Variants in TULP4 observed in about 807,000 individuals in gnomAD.
The protein encoded by TULP4 is tubby-related protein 4.
A neutral mutation model predicts 129.0 loss-of-function variants in TULP4; 16 were observed. That is an observed-to-expected ratio of 0.12 (90% CI 0.08 to 0.19). TULP4 has a LOEUF of 0.19. Among genes scored for constraint, TULP4 ranks in the 10% least tolerant of loss-of-function variants. The pLI, the probability that TULP4 is intolerant of heterozygous loss-of-function variation, is 1.00. For missense variants in TULP4, 1,842 were observed against 2,059.1 expected (o/e 0.89, Z 2.04); for synonymous variants, 998 against 854.0 (o/e 1.17, Z -2.94).
chr6:158,354,596 A>G (rs1246470047), intron 1 of TULP4, among the ~76,000 whole-genome samples: 1 of 152,208 alleles, frequency 6.6e-6, no homozygotes, highest in Non-Finnish European at 1.5e-5. Context: ...AATAAAGAAT[A>G]AAATGTTTGC....
chr6:158,473,408 T>A (rs1779736699), intron 6 of TULP4, among the ~76,000 whole-genome samples: 2 of 152,254 alleles, frequency 1.3e-5, no homozygotes, highest in Admixed American at 1.3e-4. Flanking sequence ...CTGAACTAGC[T>A]TTTATTACTA....
At chr6:158,360,642 G>A (rs1484336940) in intron 1 of TULP4, among the ~76,000 whole-genome samples, 1 of 152,120 alleles carries the variant, frequency 6.6e-6, no homozygotes, top group East Asian at 1.9e-4. Flanking sequence ...ATGTTTATTT[G>A]GCAGGTAATT....
intron 1 of TULP4, among the ~76,000 whole-genome samples, chr6:158,292,249 C>T (rs1338129962): frequency 6.6e-6 from 1 of 152,176 alleles, no homozygotes; most frequent in Non-Finnish European, 1.5e-5. Context: ...ATAGAATGAC[C>T]AACTGTCTGG....
chr6:158,413,231 G>A lies in TULP4; in HGVS notation c.381+38G>A, dbSNP rs752637656. 1.8e-4 allele frequency: 291 copies of A among 1,581,918 alleles called. No individual in the cohort carries two copies. Among genetic ancestry groups the A allele is most frequent in the Non-Finnish European group, 2.4e-4 (278 of 1,158,978 alleles). ...CGCAGCTCTGCCAGTGAAGGGCTGC[G>A]GGGTAGAGGACTCCCAGACAGGCAT... On this transcript the variant is annotated intron_variant, in intron 2 of 13. Coordinates refer to ENST00000367097, the MANE Select transcript of TULP4 (RefSeq NM_020245.5). The surrounding 1 kb of genome is among the most constrained non-coding windows in gnomAD (Gnocchi z 4.9).
intron 11 of TULP4, among the ~76,000 whole-genome samples, 165 bp downstream of exon 11, chr6:158,495,011 T>C (rs1780300327): frequency 6.6e-6 from 1 of 152,188 alleles, no homozygotes; most frequent in Non-Finnish European, 1.5e-5. Flanking sequence ...TTCACAAAAA[T>C]TAGAATTCTC....
chr6:158,489,756 C>T, intron 9 of TULP4, 24 bp downstream of exon 9: 1 of 1,613,734 alleles, frequency 6.2e-7, no homozygotes, highest in Middle Eastern at 1.6e-4. Context: ...TTGGGGAGAT[C>T]GTCCTTTCTT....
intron 5 of TULP4, among the ~76,000 whole-genome samples, chr6:158,454,261 C>G (rs1432072248): frequency 1.3e-5 from 2 of 152,240 alleles, no homozygotes; most frequent in East Asian, 1.9e-4. Context: ...CTGTGCTTGT[C>G]TGTAAATTTT....
chr6:158,462,800 A>G (rs1779467001), intron 6 of TULP4, among the ~76,000 whole-genome samples: 1 of 132,358 alleles, frequency 7.6e-6, no homozygotes, highest in African/African-American at 2.8e-5. Context: ...CCCAGGCTGG[A>G]GTGCAGTGGC....
chr6:158,363,428 C>T (rs1583797074), intron 1 of TULP4, among the ~76,000 whole-genome samples: 1 of 152,076 alleles, frequency 6.6e-6, no homozygotes, highest in East Asian at 1.9e-4. Flanking sequence ...TTTCAACTGT[C>T]ATTTTGCTGC....
chr6:158,330,542 G>T (rs1489045128), intron 1 of TULP4, among the ~76,000 whole-genome samples: 1 of 152,170 alleles, frequency 6.6e-6, no homozygotes, highest in African/African-American at 2.4e-5. Context: ...TGGATCATTT[G>T]AGAGTGTACA....
rs1246683000 is a variant in TULP4 at position 158,421,371 on chromosome 6, AAAAG to A, written c.381+8182_381+8185del. Reference sequence around the variant, plus strand: ...AGCGGGGCTCCGTCTCAAAAAAAAAAAAAGAAATACATTGGTTTGGTCCAGAAAG... The same window carrying A: ...AGCGGGGCTCCGTCTCAAAAAAAAAAAAATACATTGGTTTGGTCCAGAAAG... On this transcript the variant is annotated intron_variant, in intron 2 of 13. Coordinates refer to ENST00000367097, the MANE Select transcript of TULP4 (RefSeq NM_020245.5). 2.6e-5 allele frequency among the ~76,000 whole-genome samples: 4 copies of A among 150,956 alleles called. No individual in the cohort carries two copies. The East Asian group carries it at 5.8e-4, about 22-fold the overall frequency.
intron 1 of TULP4, among the ~76,000 whole-genome samples, chr6:158,396,295 T>C (rs779943568): frequency 5.3e-5 from 8 of 152,204 alleles, no homozygotes; most frequent in Non-Finnish European, 1.2e-4. Flanking sequence ...CCTGCTCTCT[T>C]TGTCAGCTTG....
intron 1 of TULP4, among the ~76,000 whole-genome samples, chr6:158,261,404 A>G (rs1032722600): frequency 6.6e-6 from 1 of 152,352 alleles, no homozygotes; most frequent in South Asian, 2.1e-4. Context: ...CCTTTCAGCC[A>G]TCACGCTCTA....
chr6:158,299,034 C>T (rs561262952), intron 1 of TULP4, among the ~76,000 whole-genome samples: 4 of 152,252 alleles, frequency 2.6e-5, no homozygotes, highest in Admixed American at 1.3e-4. Flanking sequence ...CAGACAGAAA[C>T]GTTTCCCCTT....
chr6:158,251,219 G>C lies in TULP4; in HGVS notation n.68+18916G>C, dbSNP rs1387408323. On this transcript the variant is annotated intron_variant and non_coding_transcript_variant, in intron 1 of 1. Coordinates refer to the TULP4 transcript ENST00000620026. ...AGAAGCAGATTATTAATATTTTATA[G>C]CATGGGTTTATCTAATGTTATTGAA... Among the ~76,000 whole-genome samples, 3 of 152,190 alleles carry C rather than the reference G, an allele frequency of 2.0e-5. No individual in the cohort carries two copies. In the East Asian group the frequency reaches 5.8e-4, roughly 29 times the overall value.
At chr6:158,298,962 G>A (rs578198920) in intron 1 of TULP4, among the ~76,000 whole-genome samples, 1 of 152,318 alleles carries the variant, frequency 6.6e-6, no homozygotes, top group Non-Finnish European at 1.5e-5. Flanking sequence ...GAGGGAAAAG[G>A]TTCAAAGGGG....
chr6:158,236,909 T>A (rs1777721811), intron 1 of TULP4, among the ~76,000 whole-genome samples: 1 of 143,508 alleles, frequency 7.0e-6, no homozygotes, highest in Non-Finnish European at 1.5e-5. Flanking sequence ...CGCCTCCCAG[T>A]TTCAAGCGAT....
intron 1 of TULP4, among the ~76,000 whole-genome samples, chr6:158,318,269 G>A (rs963283926): frequency 1.3e-5 from 2 of 152,134 alleles, no homozygotes; most frequent in African/African-American, 2.4e-5. Flanking sequence ...AGACCAGCCT[G>A]GGTAACATAG....
intron 1 of TULP4, among the ~76,000 whole-genome samples, chr6:158,262,687 G>A (rs745480131): frequency 4.6e-5 from 7 of 152,192 alleles, no homozygotes; most frequent in Admixed American, 2.6e-4. Context: ...GAAGAAGGCT[G>A]GAGGGTGGTG....
Sources: allele counts gnomAD v4.1 joint callset (sites outside exome capture counted in the v4.1 genomes callset), GRCh38; gene constraint gnomAD v4.1.1; non-coding constraint Gnocchi (gnomAD v3.1); transcripts MANE v1.5; gene names NCBI Gene and HGNC (gene_info 2026-07-23, HGNC 2026-07-21).